DOT1L: variants seen among roughly 807,000 people sequenced by gnomAD.
DOT1L encodes the protein histone-lysine N-methyltransferase, H3 lysine-79 specific.
In DOT1L, 33 loss-of-function variants were observed where a neutral mutation model predicts 153.3. The observed-to-expected ratio is 0.22, with a 90% CI of 0.16 to 0.29. The LOEUF is 0.29. DOT1L is among the 10% of genes least tolerant of loss of function. The pLI is 1.00. For synonymous variants in DOT1L, 1,135 were observed against 965.1 expected (o/e 1.18, Z -3.26); for missense variants, 1,847 against 2,119.9 (o/e 0.87, Z 2.53).
intron 1 of DOT1L, among the ~76,000 whole-genome samples, chr19:2,165,635 CCACTT>C (rs1395484361): frequency 6.6e-6 from 1 of 152,244 alleles, no homozygotes; most frequent in African/African-American, 2.4e-5. Context: ...CTTCCAGCCT[CCACTT>C]CTCTCTGTTG....
intron 2 of DOT1L, among the ~76,000 whole-genome samples, chr19:2,181,201 G>T (rs2022214160): frequency 6.6e-6 from 1 of 152,244 alleles, no homozygotes; most frequent in African/African-American, 2.4e-5. Context: ...CAGCAACAGT[G>T]CAGGGAGGCC....
At chr19:2,165,402 G>C (rs2144629012) in intron 1 of DOT1L, among the ~76,000 whole-genome samples, 1 of 152,348 alleles carries the variant, frequency 6.6e-6, no homozygotes, top group Admixed American at 6.5e-5. Context: ...GAGTGGATGG[G>C]AGAGGGAGCG....
At position 2,209,444 on chromosome 19, in the gene DOT1L, C is replaced by T. The variant is rs550819740; in HGVS notation, c.1005+468C>T. ...GGGCTGGGTGGGTGAAAAGCTTGTG[C>T]GTCACTGCTGGCTGCCCCCTCTTGA... On this transcript the variant is annotated intron_variant, in intron 12 of 27. Transcript: ENST00000398665. Among the ~76,000 whole-genome samples the T allele has an allele frequency of 3.3e-5, 5 of 152,318 alleles. No individual in the cohort carries two copies. In the South Asian group the frequency reaches 8.3e-4, roughly 25 times the overall value.
chr19:2,223,561 G>GT, intron 25 of DOT1L, 75 bp downstream of exon 25: 32 of 263,738 alleles, frequency 1.2e-4, no homozygotes, highest in East Asian at 3.8e-4. Flanking sequence ...TGTGTGTGTG[G>GT]GTGGGTGGGT....
intron 16 of DOT1L, chr19:2,212,535 G>GT (rs1294965449): frequency 6.6e-6 from 1 of 152,272 alleles, no homozygotes; most frequent in Non-Finnish European, 1.5e-5. Flanking sequence ...GACTGTTCAA[G>GT]TATTTGACTT....
chr19:2,173,779 C>G (rs113983278), intron 1 of DOT1L, among the ~76,000 whole-genome samples: 1 of 152,198 alleles, frequency 6.6e-6, no homozygotes, highest in Non-Finnish European at 1.5e-5. Flanking sequence ...TGCCTCACTA[C>G]GCACTTCAAG....
intron 25 of DOT1L, among the ~76,000 whole-genome samples, chr19:2,224,494 GT>G (rs977786911): frequency 3.4e-5 from 5 of 148,110 alleles, no homozygotes; most frequent in African/African-American, 1.3e-4. Context: ...GAGACACAGA[GT>G]TTTGGTCTGT....
chr19:2,218,212 G>A (rs2023975066), intron 22 of DOT1L, among the ~76,000 whole-genome samples: 3 of 152,188 alleles, frequency 2.0e-5, no homozygotes, highest in Non-Finnish European at 1.5e-5. Flanking sequence ...CTCCTCACGA[G>A]GCCACATTGG....
At position 2,222,483 on chromosome 19, in the gene DOT1L, C is replaced by A. The variant is rs758461414; in HGVS notation, c.3314C>A (p.Pro1105His). The A allele has an allele frequency of 6.3e-7, 1 of 1,597,084 alleles. No homozygotes were observed. The highest frequency in any genetic ancestry group is 2.2e-5 in the East Asian group (1 of 44,646). The change falls in exon 24 of 28, where the codon CCC becomes CAC. Residue 1105 changes from proline to histidine, a missense_variant. Pro to His is a moderately conservative substitution (Grantham distance 77). Coordinates refer to ENST00000398665, the MANE Select transcript of DOT1L (RefSeq NM_032482.3). This position sits in a 1 kb window ranked among gnomAD's most constrained non-coding sequence, Gnocchi z 6.5. ...GTPSLSAGVS[P>H]KRRALPSVAG... ...CCCAGCTTGAGCGCAGGCGTGTCCCCCAAGCGCCGAGCCCTGCCGTCCGTC... is the reference window on the plus strand; with the variant it reads ...CCCAGCTTGAGCGCAGGCGTGTCCCACAAGCGCCGAGCCCTGCCGTCCGTC...
chr19:2,178,993 G>A (rs970533677), intron 1 of DOT1L, among the ~76,000 whole-genome samples: 14 of 152,132 alleles, frequency 9.2e-5, no homozygotes, highest in South Asian at 8.3e-4. Context: ...TGGCATATAC[G>A]TCCCATCCCA....
In DOT1L at chr19:2,226,479, G is replaced by A. The variant is rs757732619; in HGVS notation, c.3958G>A (p.Gly1320Arg). The A allele has an allele frequency of 9.4e-6, 15 of 1,600,994 alleles. No homozygotes were observed. The highest frequency in any genetic ancestry group is 1.3e-5 in the Non-Finnish European group (15 of 1,179,650). Residue 1320 changes from glycine (G) to arginine (R), a missense_variant, in exon 27 of 28, where the codon GGG becomes AGG. Around this residue, in one of 8 missense-constraint regions of DOT1L, gnomAD observed 934 missense variants for 825.3 expected, o/e 1.13. Transcript: ENST00000398665. ...TNPANGCTFGGGLAADLSLHS... is the reference protein window; with the variant it reads ...TNPANGCTFGRGLAADLSLHS... ...CCCTGCCAACGGCTGCACCTTCGGCGGGGGCCTGGCCGCGGACCTGAGTTT... is the reference window on the plus strand; with the variant it reads ...CCCTGCCAACGGCTGCACCTTCGGCAGGGGCCTGGCCGCGGACCTGAGTTT...
At position 2,193,229 on chromosome 19, in the gene DOT1L, A is replaced by G. The variant is rs1343755808; in HGVS notation, c.494-460A>G. Among the ~76,000 whole-genome samples, 3 of 152,164 alleles carry G rather than the reference A, an allele frequency of 2.0e-5. No individual in the cohort carries two copies. The highest frequency in any genetic ancestry group is 6.5e-5 in the Admixed American group (1 of 15,278). On this transcript the variant is annotated intron_variant, in intron 5 of 27. Coordinates refer to ENST00000398665, the MANE Select transcript of DOT1L (RefSeq NM_032482.3). The surrounding 1 kb of genome is among the most constrained non-coding windows in gnomAD (Gnocchi z 5.9). ...GACCCCTCACTGCCTCTCCCACCCT[A>G]CATTGAGCCTCAGTCAGATCCTGCT... is the stretch of plus-strand genomic sequence containing the variant.
In DOT1L at chr19:2,222,676, GGATCACAA is replaced by G; in HGVS notation, c.3390+123_3390+130del. 1.0e-6 allele frequency: 1 copy of G among 1,002,442 alleles called. No homozygotes were observed. 62.1% of individuals were successfully genotyped at this position (1,002,442 alleles called of 1,614,324 possible). On this transcript the variant is annotated intron_variant, in intron 24 of 27. Coordinates refer to ENST00000398665, the MANE Select transcript of DOT1L (RefSeq NM_032482.3). This position sits in a 1 kb window ranked among gnomAD's most constrained non-coding sequence, Gnocchi z 6.5. ...AGCATTTTGGGAGGCCGAGGCGGGT[GGATCACAA>G]GATCAGGACATCAAGACCATCCTGG...
At position 2,199,952 on chromosome 19, in the gene DOT1L, TG is replaced by T. The variant is rs368377513; in HGVS notation, c.707+17del. ...TCGCCAACACGAGGTATGGCCAGCG[TG>T]GGGCATGCAGGGCATGTGGGGTGTG... On this transcript the variant is annotated intron_variant, in intron 8 of 27. Coordinates refer to ENST00000398665, the MANE Select transcript of DOT1L (RefSeq NM_032482.3). The T allele has an allele frequency of 6.2e-7, 1 of 1,613,272 alleles. No individual in the cohort carries two copies.
At chr19:2,227,716 G>A in intron 27 of DOT1L, 3 of 1,305,704 alleles carry the variant, frequency 2.3e-6, no homozygotes, top group South Asian at 1.2e-5. Flanking sequence ...TTGAAGCTGC[G>A]TTTTTCTCTC....
intron 2 of DOT1L, 126 bp downstream of exon 2, chr19:2,180,882 C>T (rs912687356): frequency 4.0e-5 from 47 of 1,161,914 alleles, no homozygotes; most frequent in Non-Finnish European, 5.0e-5. Flanking sequence ...TGTTGTGAAG[C>T]GGATCAGGGG....
intron 15 of DOT1L, 62 bp downstream of exon 15, chr19:2,211,274 T>C (rs2023705228): frequency 1.1e-5 from 16 of 1,433,946 alleles, no homozygotes; most frequent in Admixed American, 2.0e-5. Context: ...AGGAGGACCG[T>C]GGGTTGTGAC....
At chr19:2,218,583 T>C (rs560085949) in intron 22 of DOT1L, among the ~76,000 whole-genome samples, 235 of 150,652 alleles carry the variant, frequency 1.6e-3, no homozygotes, top group East Asian at 6.5e-3. Flanking sequence ...TTAGTAGAGA[T>C]GGGGTTTCAC....
At chr19:2,199,760 CCTCCTCCTG>C in intron 7 of DOT1L, 115 bp from the exon 8 acceptor site, 1 of 1,320,150 alleles carries the variant, frequency 7.6e-7, no homozygotes, top group Non-Finnish European at 1.0e-6. Context: ...GGGGCCTGGG[CCTCCTCCTG>C]CTCCTTCACT....
Sources: gnomAD v4.1 joint callset for allele counts (sites outside exome capture counted in the v4.1 genomes callset) on GRCh38, gnomAD v4.1.1 for gene constraint, gnomAD v4.1.1 regional missense constraint, Gnocchi (gnomAD v3.1) non-coding constraint, MANE v1.5 for transcripts, NCBI Gene and HGNC (gene_info 2026-07-23, HGNC 2026-07-21) for gene names.